SLC38A3: variants seen among roughly 807,000 people sequenced by gnomAD.
SLC38A3 encodes the protein solute carrier family 38 member 3.
A neutral mutation model predicts 59.5 loss-of-function variants in SLC38A3; 17 were observed. That is an observed-to-expected ratio of 0.29 (90% CI 0.20 to 0.43). The LOEUF is 0.43. Ranked by LOEUF, SLC38A3 falls within the 20% of genes least tolerant of loss-of-function variation. The pLI, the probability that SLC38A3 is intolerant of heterozygous loss-of-function variation, is 1.00. For synonymous variants in SLC38A3, 238 were observed against 260.3 expected (o/e 0.91, Z 0.82); for missense variants, 454 against 653.9 (o/e 0.69, Z 3.33).
At chr3:50,216,835 C>T (rs1479245733) in intron 7 of SLC38A3, among the ~76,000 whole-genome samples, 1 of 152,210 alleles carries the variant, frequency 6.6e-6, no homozygotes, top group Non-Finnish European at 1.5e-5. Context: ...TACAGTGGCA[C>T]AATCTTGGCT....
chr3:50,211,568 C>CTTTT lies in SLC38A3; in HGVS notation c.-51-2557_-51-2554dup, dbSNP rs765148889. 2.1e-4 allele frequency among the ~76,000 whole-genome samples: 17 copies of CTTTT among 81,210 alleles called. 3 individuals are homozygous for CTTTT. The East Asian group carries it at 2.8e-3, about 13-fold the overall frequency. The allele number at this position is 81,210 out of a possible 152,430, so 53.3% of individuals were successfully genotyped here. A position where few individuals can be genotyped will look rare whatever the true frequency, so the allele number is the denominator to read the frequency against. On this transcript the variant is annotated intron_variant, in intron 1 of 15. Coordinates refer to ENST00000614032, the MANE Select transcript of SLC38A3 (RefSeq NM_006841.6). ...GGAAGTCTTCCTTGATGCCCCCATC[C>CTTTT]TTTTTTTTTTTTTTTTTTTTTTTTT...
At chr3:50,209,685 C>T (rs551402457) in intron 1 of SLC38A3, among the ~76,000 whole-genome samples, 2 of 151,992 alleles carry the variant, frequency 1.3e-5, no homozygotes, top group Admixed American at 6.5e-5. Context: ...AAAATGTACC[C>T]GGCCACAGGA....
At position 50,217,583 on chromosome 3, in the gene SLC38A3, C is replaced by A; in HGVS notation, c.691-93C>A. 6.3e-7 allele frequency: 1 copy of A among 1,581,604 alleles called. No homozygotes were observed. On this transcript the variant is annotated intron_variant, in intron 9 of 15. Transcript: ENST00000614032. The surrounding 1 kb of genome is among the most constrained non-coding windows in gnomAD (Gnocchi z 4.9). Reference sequence around the variant, plus strand: ...CTGGGAAGCCTGGGCCAGAAGGCAGCTCCACCAGTCCTGATCTAGATGTGG... The same window carrying A: ...CTGGGAAGCCTGGGCCAGAAGGCAGATCCACCAGTCCTGATCTAGATGTGG...
intron 1 of SLC38A3, among the ~76,000 whole-genome samples, chr3:50,211,530 C>CA (rs1559753193): frequency 1.1e-3 from 2 of 1,836 alleles, no homozygotes; most frequent in East Asian, 8.3e-3. Context: ...GTACTGGCTT[C>CA]GCACCTCCTC....
At position 50,215,404 on chromosome 3, in the gene SLC38A3, C is replaced by T. The variant is rs371128487; in HGVS notation, c.318C>T (p.Val106=). 148 of 1,613,816 alleles carry T rather than the reference C, an allele frequency of 9.2e-5. 2 individuals carry two copies. The East Asian group carries it at 2.6e-3, about 29-fold the overall frequency. ...IILFLFLLTA[V]ALLSSYSIHL... ...TCCCCAGGTTCCTGTTGACAGCTGT[C>T]GCCTTGCTCTCCAGCTACTCCATCC... is the stretch of plus-strand genomic sequence containing the variant. Residue 106 remains valine (V), a synonymous_variant, in exon 5 of 16, where the codon GTC becomes GTT. Coordinates refer to ENST00000614032, the MANE Select transcript of SLC38A3 (RefSeq NM_006841.6). The surrounding 1 kb of genome is among the most constrained non-coding windows in gnomAD (Gnocchi z 7.1).
At chr3:50,219,543 A>G (rs1699867488) in intron 14 of SLC38A3, among the ~76,000 whole-genome samples, 1 of 152,236 alleles carries the variant, frequency 6.6e-6, no homozygotes, top group Admixed American at 6.5e-5. Flanking sequence ...GCAGAAAGGA[A>G]TCCACTGGCT....
intron 15 of SLC38A3, 25 bp downstream of exon 15, chr3:50,220,009 G>A: frequency 1.2e-6 from 2 of 1,605,012 alleles, no homozygotes; most frequent in South Asian, 1.1e-5. Flanking sequence ...GAGGCCGGTG[G>A]GCTGGTATGG....
chr3:50,214,433 G>A lies in SLC38A3; in HGVS notation c.133G>A (p.Gly45Ser). ...VEDPARSCME[G>S]KSFLQKSPSK... ...GGACCCTGCACGGAGCTGTATGGAGGGCAAGAGCTTCCTACAGAAAAGTCC... is the reference window on the plus strand; with the variant it reads ...GGACCCTGCACGGAGCTGTATGGAGAGCAAGAGCTTCCTACAGAAAAGTCC... The change falls in exon 3 of 16, where the codon GGC becomes AGC. Residue 45 changes from glycine (G) to serine (S), a missense_variant. By Grantham distance (56) the Gly-to-Ser change is moderately conservative. This residue lies in a region of SLC38A3 where 390 missense variants were observed against 557.9 expected (regional missense o/e 0.70). Transcript: ENST00000614032. The surrounding 1 kb of genome is among the most constrained non-coding windows in gnomAD (Gnocchi z 6.0). 1.3e-6 allele frequency: 2 copies of A among 1,579,762 alleles called. No homozygotes were observed. The highest frequency in any genetic ancestry group is 1.7e-6 in the Non-Finnish European group (2 of 1,162,916).
intron 7 of SLC38A3, among the ~76,000 whole-genome samples, chr3:50,216,058 C>T (rs950392744): frequency 8.5e-5 from 13 of 152,312 alleles, no homozygotes; most frequent in African/African-American, 3.1e-4. Context: ...GGGCTAGGGG[C>T]AGGGTGCAGC....
Position 50,217,224 on chromosome 3 carries a change from T to A in SLC38A3, c.549-14T>A, listed in dbSNP as rs377680160. 14 of 1,601,388 alleles carry A rather than the reference T, an allele frequency of 8.7e-6. No individual in the cohort carries two copies. In the African/African-American group the frequency reaches 1.1e-4, roughly 12 times the overall value. On this transcript the variant is annotated splice_polypyrimidine_tract_variant and intron_variant, in intron 7 of 15. Coordinates refer to ENST00000614032, the MANE Select transcript of SLC38A3 (RefSeq NM_006841.6). This position sits in a 1 kb window ranked among gnomAD's most constrained non-coding sequence, Gnocchi z 4.9. ...ATGGATTCTGACCCTGGCTCCCGACTCATGTCCCTGCAGGGACTGGTACAT... is the reference window on the plus strand; with the variant it reads ...ATGGATTCTGACCCTGGCTCCCGACACATGTCCCTGCAGGGACTGGTACAT...
intron 1 of SLC38A3, among the ~76,000 whole-genome samples, chr3:50,210,182 G>A (rs189664766): frequency 6.6e-6 from 1 of 152,282 alleles, no homozygotes; most frequent in African/African-American, 2.4e-5. Flanking sequence ...GGAGGAGCAG[G>A]TGGACAGAGG....
rs1699883791 is a variant in SLC38A3 at position 50,220,637 on chromosome 3, G to C, written c.*460G>C. ...TTGTTTTCCCCCCTTTTATTCCCTA[G>C]GCCCTTTTCAGACTCCTGGGCCCTT... is the stretch of plus-strand genomic sequence containing the variant. On this transcript the variant is annotated 3_prime_UTR_variant, in exon 16 of 16. Transcript: ENST00000614032. The C allele has an allele frequency of 5.1e-6, 1 of 196,884 alleles. No homozygotes were observed. The highest frequency in any genetic ancestry group is 5.3e-5 in the Admixed American group (1 of 18,906). 12.2% of individuals were successfully genotyped at this position (196,884 alleles called of 1,614,324 possible). A position where few individuals can be genotyped will look rare whatever the true frequency, so the allele number is the denominator to read the frequency against.
Position 50,214,549 on chromosome 3 carries a change from C to T in SLC38A3, c.183+66C>T. The T allele has an allele frequency of 1.3e-6, 2 of 1,492,316 alleles. No homozygotes were observed. The highest frequency in any genetic ancestry group is 4.9e-5 in the East Asian group (2 of 40,904). 92.4% of individuals were successfully genotyped at this position (1,492,316 alleles called of 1,614,324 possible). On this transcript the variant is annotated intron_variant, in intron 3 of 15. Coordinates refer to ENST00000614032, the MANE Select transcript of SLC38A3 (RefSeq NM_006841.6). The surrounding 1 kb of genome is among the most constrained non-coding windows in gnomAD (Gnocchi z 6.0). ...AGCTTGGATGCAGTAATGAGGTGGT[C>T]TCTGGCAGCAGTGGGAGGCTGAGGG... is the stretch of plus-strand genomic sequence containing the variant.
chr3:50,215,844 G>A lies in SLC38A3; in HGVS notation c.548+23G>A. 1 of 1,388,290 alleles carries A rather than the reference G, an allele frequency of 7.2e-7. No homozygotes were observed. Among genetic ancestry groups the A allele is most frequent in the Non-Finnish European group, 1.0e-6 (1 of 1,000,706 alleles). The allele number at this position is 1,388,290 out of a possible 1,614,324, so 86.0% of individuals were successfully genotyped here. Reference sequence around the variant, plus strand: ...CTCGTGAGCCCTGGCGTGGGGAGGGGAGGGGAGGGGTGCGGTGCAGTGAGG... The same window carrying A: ...CTCGTGAGCCCTGGCGTGGGGAGGGAAGGGGAGGGGTGCGGTGCAGTGAGG... On this transcript the variant is annotated intron_variant, in intron 7 of 15. Coordinates refer to ENST00000614032, the MANE Select transcript of SLC38A3 (RefSeq NM_006841.6). The surrounding 1 kb of genome is among the most constrained non-coding windows in gnomAD (Gnocchi z 7.1).
chr3:50,210,289 A>G (rs1393416827), intron 1 of SLC38A3, among the ~76,000 whole-genome samples: 1 of 152,138 alleles, frequency 6.6e-6, no homozygotes, highest in Non-Finnish European at 1.5e-5. Flanking sequence ...AACTGGGGGC[A>G]GCCCTCACCC....
In SLC38A3 at chr3:50,217,724, A is replaced by G. The variant is rs1209322822; in HGVS notation, c.739A>G (p.Asn247Asp). 2 of 1,613,838 alleles carry G rather than the reference A, an allele frequency of 1.2e-6. No homozygotes were observed. Among genetic ancestry groups the G allele is most frequent in the South Asian group, 2.2e-5 (2 of 91,054 alleles). ...GCCCTGCCCACTGCCCCCCAACTTC[A>G]ACAACACCACAGGCAACTTCAGCCA... Reference protein sequence around the residue: ...HVPCPLPPNFNNTTGNFSHVE... With the variant: ...HVPCPLPPNFDNTTGNFSHVE... Residue 247 changes from asparagine to aspartate, a missense_variant, in exon 10 of 16, where the codon AAC becomes GAC. Coordinates refer to ENST00000614032, the MANE Select transcript of SLC38A3 (RefSeq NM_006841.6). This position sits in a 1 kb window ranked among gnomAD's most constrained non-coding sequence, Gnocchi z 4.9.
In SLC38A3 at chr3:50,217,214, G is replaced by A. The variant is rs1202151789; in HGVS notation, c.549-24G>A. 6.3e-7 allele frequency: 1 copy of A among 1,579,458 alleles called. No homozygotes were observed. The highest frequency in any genetic ancestry group is 1.7e-5 in the Admixed American group (1 of 57,716). On this transcript the variant is annotated intron_variant, in intron 7 of 15. Transcript: ENST00000614032. The surrounding 1 kb of genome is among the most constrained non-coding windows in gnomAD (Gnocchi z 4.9). ...CCCAGGCTGAATGGATTCTGACCCT[G>A]GCTCCCGACTCATGTCCCTGCAGGG...
At chr3:50,216,030 C>G (rs1289361772) in intron 7 of SLC38A3, among the ~76,000 whole-genome samples, 5 of 152,182 alleles carry the variant, frequency 3.3e-5, no homozygotes, top group Admixed American at 3.3e-4. Context: ...GGAGACCCCC[C>G]TCCAGAAGGG....
At chr3:50,208,235 G>C (rs1012154854) in intron 1 of SLC38A3, among the ~76,000 whole-genome samples, 1 of 151,946 alleles carries the variant, frequency 6.6e-6, no homozygotes, top group Non-Finnish European at 1.5e-5. Flanking sequence ...CTCTTTCTGG[G>C]GCTCTCTTTT....
Sources: gnomAD v4.1 joint callset for allele counts (sites outside exome capture counted in the v4.1 genomes callset) on GRCh38, gnomAD v4.1.1 for gene constraint, gnomAD v4.1.1 regional missense constraint, Gnocchi (gnomAD v3.1) non-coding constraint, MANE v1.5 for transcripts, NCBI Gene and HGNC (gene_info 2026-07-23, HGNC 2026-07-21) for gene names.